The following PFKP variants were observed in gnomAD, a reference collection of about 807,000 sequenced individuals.
PFKP encodes ATP-dependent 6-phosphofructokinase, platelet type.
A neutral mutation model predicts 94.3 loss-of-function variants in PFKP; 101 were observed. The ratio of observed to expected loss-of-function variants is 1.07; its 90% CI spans 0.91 to 1.26. The LOEUF is 1.26. Among genes scored for constraint, PFKP ranks in the 50% most tolerant of loss-of-function variants. The probability of loss-of-function intolerance (pLI) is 0.00; values close to 1 mark genes in which losing one functional copy is unlikely to be tolerated. For missense variants in PFKP, 1,145 were observed against 1,103.3 expected, an observed-to-expected ratio of 1.04 and a Z score of -0.53; for synonymous variants, 573 against 432.6, an observed-to-expected ratio of 1.32 and a Z score of -4.03.
At chr10:3,080,640 C>G (rs943300521) in intron 1 of PFKP, among the ~76,000 whole-genome samples, 2 of 152,126 alleles carry the variant, frequency 1.3e-5, no homozygotes, top group East Asian at 3.8e-4. Flanking sequence ...AGCAAGGCAC[C>G]GTCCCCATAC....
At chr10:3,133,751 T>C (rs1361456236) in intron 19 of PFKP, among the ~76,000 whole-genome samples, 1 of 152,164 alleles carries the variant, frequency 6.6e-6, no homozygotes, top group African/African-American at 2.4e-5. Context: ...AACTTTTAAG[T>C]GATGCCAAAC....
intron 16 of PFKP, chr10:3,128,996 G>A (rs2131700827): frequency 6.6e-6 from 1 of 152,392 alleles, no homozygotes; most frequent in African/African-American, 2.4e-5. Context: ...AAAGGGTTTT[G>A]AATAAACCAA....
intron 10 of PFKP, among the ~76,000 whole-genome samples, chr10:3,110,843 T>C (rs1196570716): frequency 6.6e-6 from 1 of 151,440 alleles, no homozygotes; most frequent in African/African-American, 2.5e-5. Context: ...TGTATGTTTA[T>C]ATGCATGAGT....
Position 3,082,448 on chromosome 10 carries a change from A to T in PFKP, c.173A>T (p.Tyr58Phe), listed in dbSNP as rs200969159. 108 of 1,605,852 alleles carry T rather than the reference A, an allele frequency of 6.7e-5. 1 individual carries two copies. The highest frequency in any genetic ancestry group is 6.4e-4 in the Admixed American group (38 of 59,612). The change falls in exon 2 of 22, where the codon TAC becomes TTC. Residue 58 changes from tyrosine to phenylalanine, a missense_variant. This residue lies in a region of PFKP where 1,119 missense variants were observed against 1,062.8 expected (regional missense o/e 1.05). Coordinates refer to ENST00000381125, the MANE Select transcript of PFKP (RefSeq NM_002627.5). The stretch of plus-strand genomic sequence containing the variant: ...GGTATCTACGTGGGGGCCAAGGTGT[A>T]CTTCATCTACGAGGTCAGTGTCTGC... The part of the protein sequence containing the change: ...RMGIYVGAKV[Y>F]FIYEGYQGMV...
In PFKP at chr10:3,136,677, TTAATACC is replaced by T; in HGVS notation, c.*103_*109del. 2 of 1,323,870 alleles carry T rather than the reference TTAATACC, an allele frequency of 1.5e-6. No individual in the cohort carries two copies. The highest frequency in any genetic ancestry group is 1.3e-5 in the South Asian group (1 of 75,234). 82.0% of individuals were successfully genotyped at this position (1,323,870 alleles called of 1,614,324 possible). On this transcript the variant is annotated 3_prime_UTR_variant, in exon 22 of 22. Transcript: ENST00000381125. ...GCACTTTATGCACGTATTATTGACA[TTAATACC>T]TAATCGGCGAGTGCCCATCTGCCCC...
chr10:3,102,083 C>A (rs12767011), intron 4 of PFKP, among the ~76,000 whole-genome samples: 2 of 150,426 alleles, frequency 1.3e-5, no homozygotes, highest in African/African-American at 4.9e-5. Context: ...AACCCCGTCT[C>A]TACTAAAAAT....
At chr10:3,088,021 G>A (rs1473016337) in intron 2 of PFKP, among the ~76,000 whole-genome samples, 25 of 98,132 alleles carry the variant, frequency 2.5e-4, no homozygotes, top group Non-Finnish European at 1.3e-4. Context: ...TATACTTTAA[G>A]TTCTAGGGTA....
intron 20 of PFKP, among the ~76,000 whole-genome samples, chr10:3,135,368 G>A (rs1018144021): frequency 2.6e-5 from 4 of 152,220 alleles, no homozygotes; most frequent in African/African-American, 9.6e-5. Flanking sequence ...TCTTTCTACA[G>A]CGATTTTCTT....
rs547015670 is a variant in PFKP at position 3,125,223 on chromosome 10, G to A, written c.1684-4596G>A. ...AGGCACAGAAATAAGCCTGGGCTCCGACACTGGCCTGAATGCTGTTGTTGA... is the reference window on the plus strand; with the variant it reads ...AGGCACAGAAATAAGCCTGGGCTCCAACACTGGCCTGAATGCTGTTGTTGA... On this transcript the variant is annotated intron_variant, in intron 16 of 21. Coordinates refer to ENST00000381125, the MANE Select transcript of PFKP (RefSeq NM_002627.5). The A allele has an allele frequency of 4.7e-5, 63 of 1,341,632 alleles. No individual in the cohort carries two copies. In the East Asian group the frequency reaches 8.4e-4, roughly 18 times the overall value. 83.1% of individuals were successfully genotyped at this position (1,341,632 alleles called of 1,614,324 possible).
In PFKP at chr10:3,108,632, C is replaced by A. The variant is rs1835863851; in HGVS notation, c.871-69C>A. On this transcript the variant is annotated intron_variant, in intron 8 of 21. Coordinates refer to ENST00000381125, the MANE Select transcript of PFKP (RefSeq NM_002627.5). ...GAAAAACCTTTTCCAGTGCCCAGTA[C>A]CTCCTTCCAGATCTGGGCTGCTGTG... is the stretch of plus-strand genomic sequence containing the variant. 4.3e-6 allele frequency: 5 copies of A among 1,159,388 alleles called. No homozygotes were observed. The Admixed American group carries it at 5.1e-5, about 12-fold the overall frequency. 71.8% of individuals were successfully genotyped at this position (1,159,388 alleles called of 1,614,324 possible).
chr10:3,120,654 A>G (rs1485909716), intron 16 of PFKP, among the ~76,000 whole-genome samples: 2 of 152,110 alleles, frequency 1.3e-5, no homozygotes, highest in East Asian at 1.9e-4. Flanking sequence ...AAACATAGAA[A>G]TATATTCTTC....
intron 1 of PFKP, among the ~76,000 whole-genome samples, chr10:3,075,299 C>A (rs553100102): frequency 1.3e-5 from 2 of 151,932 alleles, no homozygotes; most frequent in South Asian, 4.1e-4. Flanking sequence ...CAGTTTATGG[C>A]CAGATTTGGG....
At chr10:3,086,703 G>A (rs1476708183) in intron 2 of PFKP, among the ~76,000 whole-genome samples, 1 of 152,108 alleles carries the variant, frequency 6.6e-6, no homozygotes, top group Non-Finnish European at 1.5e-5. Flanking sequence ...GAGGGGTGGG[G>A]AGTGAGGCCG....
intron 13 of PFKP, among the ~76,000 whole-genome samples, chr10:3,114,917 T>C (rs34260521): frequency 0.64 from 96,902 of 152,032 alleles, 31,806 homozygotes; most frequent in East Asian, 0.84. Flanking sequence ...TGCTGTTCAC[T>C]GAGGCAGGAG....
intron 16 of PFKP, among the ~76,000 whole-genome samples, chr10:3,123,298 G>A (rs915341017): frequency 3.3e-5 from 5 of 152,214 alleles, no homozygotes; most frequent in East Asian, 1.9e-4. Flanking sequence ...CAGCTGCCGC[G>A]AAGGTGGCAG....
Position 3,136,437 on chromosome 10 carries a change from C to G in PFKP, c.2226-13C>G. On this transcript the variant is annotated splice_polypyrimidine_tract_variant and intron_variant, in intron 21 of 21. Coordinates refer to ENST00000381125, the MANE Select transcript of PFKP (RefSeq NM_002627.5). Reference sequence around the variant, plus strand: ...ACTGCAGGCCTCACTGCTGTCTCCTCTTACCTCCACAGGCACAGGATTCCC... The same window carrying G: ...ACTGCAGGCCTCACTGCTGTCTCCTGTTACCTCCACAGGCACAGGATTCCC... 6.2e-7 allele frequency: 1 copy of G among 1,613,366 alleles called. No individual in the cohort carries two copies. Among genetic ancestry groups the G allele is most frequent in the East Asian group, 2.2e-5 (1 of 44,860 alleles).
chr10:3,118,453 TGA>T (rs1249896327), intron 14 of PFKP, among the ~76,000 whole-genome samples: 1 of 149,752 alleles, frequency 6.7e-6, no homozygotes, highest in Non-Finnish European at 1.5e-5. Flanking sequence ...GGTAACAAAG[TGA>T]GACTCCATCT....
intron 2 of PFKP, among the ~76,000 whole-genome samples, chr10:3,088,596 G>T (rs181046545): frequency 7.2e-5 from 11 of 152,226 alleles, no homozygotes; most frequent in Admixed American, 3.3e-4. Context: ...ACTCCCAAGG[G>T]CCCAGAGTAT....
intron 2 of PFKP, among the ~76,000 whole-genome samples, chr10:3,091,772 C>G (rs957263771): frequency 6.6e-6 from 1 of 151,934 alleles, no homozygotes; most frequent in Non-Finnish European, 1.5e-5. Context: ...GGTGACAGAG[C>G]GAGACTGTGT....
Sources: gnomAD v4.1 joint callset for allele counts (sites outside exome capture counted in the v4.1 genomes callset) on GRCh38, gnomAD v4.1.1 for gene constraint, gnomAD v4.1.1 regional missense constraint, MANE v1.5 for transcripts, NCBI Gene and HGNC (gene_info 2026-07-23, HGNC 2026-07-21) for gene names.